The following ZNF385B variants were observed in gnomAD, a reference collection of about 807,000 sequenced individuals.
ZNF385B encodes the protein zinc finger protein 533.
A neutral mutation model predicts 39.2 loss-of-function variants in ZNF385B; 23 were observed. That is an observed-to-expected ratio of 0.59 (90% CI 0.42 to 0.83). The LOEUF is 0.83. Ranked by LOEUF, ZNF385B falls within the 40% of genes least tolerant of loss-of-function variation. The probability of loss-of-function intolerance (pLI) is 0.00; values close to 1 mark genes in which losing one functional copy is unlikely to be tolerated. For missense variants in ZNF385B, 552 were observed against 598.9 expected (o/e 0.92, Z 0.82); for synonymous variants, 205 against 222.6 (o/e 0.92, Z 0.70).
At chr2:179,789,307 G>A (rs1472847125) in intron 1 of ZNF385B, among the ~76,000 whole-genome samples, 2 of 152,132 alleles carry the variant, frequency 1.3e-5, no homozygotes, top group African/African-American at 2.4e-5. Flanking sequence ...TAAAATCACT[G>A]TGACTTACAC....
intron 4 of ZNF385B, among the ~76,000 whole-genome samples, chr2:179,537,257 G>A (rs1401059193): frequency 6.8e-6 from 1 of 146,994 alleles, no homozygotes; most frequent in African/African-American, 2.5e-5. Flanking sequence ...AGCCAAGATT[G>A]TGCCATTGTA....
intron 7 of ZNF385B, 63 bp downstream of exon 7, chr2:179,446,461 AT>A: frequency 6.4e-7 from 1 of 1,552,874 alleles, no homozygotes; most frequent in East Asian, 2.3e-5. Flanking sequence ...AAGATATGGT[AT>A]TCTGATGGGA....
rs960724450 is a variant in ZNF385B at position 179,540,131 on chromosome 2, T to C, written c.441+4696A>G. Among the ~76,000 whole-genome samples the C allele has an allele frequency of 4.6e-5, 7 of 152,118 alleles. 1 individual carries two copies. The highest frequency in any genetic ancestry group is 6.6e-5 in the Admixed American group (1 of 15,262). The stretch of plus-strand genomic sequence containing the variant: ...CTATAGCTGGAAGACAGTTTATAAC[T>C]ATTGCCTTTAGATTAAAAAACAGTG... On this transcript the variant is annotated intron_variant, in intron 4 of 9. Transcript: ENST00000410066.
intron 3 of ZNF385B, among the ~76,000 whole-genome samples, chr2:179,728,863 A>G (rs2106422313): frequency 6.6e-6 from 1 of 152,234 alleles, no homozygotes; most frequent in Non-Finnish European, 1.5e-5. Flanking sequence ...TCTTGATAAA[A>G]GATTAAGTCA....
At chr2:179,701,390 A>G (rs1303175106) in intron 3 of ZNF385B, among the ~76,000 whole-genome samples, 1 of 152,228 alleles carries the variant, frequency 6.6e-6, no homozygotes, top group Non-Finnish European at 1.5e-5. Context: ...AATAATAACT[A>G]ATGACTACTG....
intron 3 of ZNF385B, among the ~76,000 whole-genome samples, chr2:179,594,819 T>C (rs1259801092): frequency 6.6e-6 from 1 of 151,370 alleles, no homozygotes; most frequent in African/African-American, 2.4e-5. Flanking sequence ...TTCTGTTTTG[T>C]TTTTTTTAGA....
At chr2:179,547,745 C>A (rs2060323756) in intron 3 of ZNF385B, among the ~76,000 whole-genome samples, 1 of 149,376 alleles carries the variant, frequency 6.7e-6, no homozygotes, top group Non-Finnish European at 1.5e-5. Context: ...TGTTCTATGT[C>A]TGTGAAGAAT....
intron 1 of ZNF385B, chr2:179,814,432 T>C: frequency 2.2e-6 from 1 of 448,098 alleles, no homozygotes. Flanking sequence ...ATTTTTCTTG[T>C]GAATATTACC....
intron 4 of ZNF385B, among the ~76,000 whole-genome samples, chr2:179,541,784 A>T (rs181425391): frequency 0.04 from 6,040 of 152,296 alleles, 177 homozygotes; most frequent in Non-Finnish European, 0.06. Context: ...GATTCTGCTG[A>T]AAATTGCCTT....
intron 3 of ZNF385B, among the ~76,000 whole-genome samples, chr2:179,641,407 A>C (rs1413084086): frequency 1.3e-5 from 2 of 152,146 alleles, no homozygotes; most frequent in Non-Finnish European, 2.9e-5. Flanking sequence ...AAGTCTCTTT[A>C]TACAGGCTAA....
chr2:179,666,806 C>T (rs78245837), intron 3 of ZNF385B, among the ~76,000 whole-genome samples: 7,455 of 152,270 alleles, frequency 0.049, 233 homozygotes, highest in Middle Eastern at 0.075. Context: ...GATCACAGAG[C>T]TCTTTTCATT....
chr2:179,568,065 A>G (rs765816313), intron 3 of ZNF385B, among the ~76,000 whole-genome samples: 1 of 152,172 alleles, frequency 6.6e-6, no homozygotes, highest in Non-Finnish European at 1.5e-5. Context: ...CAGTCACCAC[A>G]TGTTTAATTA....
intron 3 of ZNF385B, among the ~76,000 whole-genome samples, chr2:179,634,214 C>A (rs1691509577): frequency 1.5e-5 from 2 of 129,728 alleles, no homozygotes; most frequent in South Asian, 5.3e-4. Flanking sequence ...CAAATGGGAT[C>A]TAATTAAAGA....
intron 3 of ZNF385B, among the ~76,000 whole-genome samples, chr2:179,578,972 T>C (rs537160646): frequency 6.6e-6 from 1 of 152,222 alleles, no homozygotes; most frequent in South Asian, 2.1e-4. Flanking sequence ...TATTTCCATA[T>C]GAGAATCAGG....
At chr2:179,740,960 G>C (rs1264247007) in intron 3 of ZNF385B, among the ~76,000 whole-genome samples, 1 of 152,132 alleles carries the variant, frequency 6.6e-6, no homozygotes, top group Non-Finnish European at 1.5e-5. Context: ...TTGTCCACTA[G>C]GGCAATAGAC....
intron 3 of ZNF385B, among the ~76,000 whole-genome samples, chr2:179,674,256 G>A (rs1468045110): frequency 6.6e-6 from 1 of 152,170 alleles, no homozygotes; most frequent in African/African-American, 2.4e-5. Context: ...TGCTCTCATG[G>A]AGCTTTTAAT....
At chr2:179,689,105 G>A (rs1018984161) in intron 3 of ZNF385B, among the ~76,000 whole-genome samples, 2 of 152,174 alleles carry the variant, frequency 1.3e-5, no homozygotes, top group East Asian at 3.9e-4. Flanking sequence ...AATAAATGTA[G>A]TTTTAAAATG....
At chr2:179,855,129 ATTG>A (rs1684485639) in intron 1 of ZNF385B, among the ~76,000 whole-genome samples, 1 of 152,122 alleles carries the variant, frequency 6.6e-6, no homozygotes, top group African/African-American at 2.4e-5. Flanking sequence ...CCCAGTTAAT[ATTG>A]TTTATGTCCA....
chr2:179,817,665 C>CTG (rs3085981), intron 1 of ZNF385B, among the ~76,000 whole-genome samples: 23,501 of 149,398 alleles, frequency 0.16, 2,286 homozygotes, highest in African/African-American at 0.28. Flanking sequence ...GTGTAACCCT[C>CTG]TGTGTGTGTG....
Sources: allele counts gnomAD v4.1 joint callset (sites outside exome capture counted in the v4.1 genomes callset), GRCh38; gene constraint gnomAD v4.1.1; transcripts MANE v1.5; gene names NCBI Gene and HGNC (gene_info 2026-07-23, HGNC 2026-07-21).